The following ARHGAP26 variants were observed in gnomAD, a reference collection of about 807,000 sequenced individuals.
ARHGAP26 encodes the protein rho GTPase-activating protein 26.
Under a neutral mutation model 104.8 loss-of-function variants are expected in ARHGAP26, and 38 were observed. The ratio of observed to expected loss-of-function variants is 0.36; its 90% confidence interval spans 0.28 to 0.48. ARHGAP26 has a LOEUF of 0.48. Ranked by LOEUF, ARHGAP26 falls within the 20% of genes least tolerant of loss-of-function variation. The probability of loss-of-function intolerance (pLI) is 0.99; values close to 1 mark genes in which losing one functional copy is unlikely to be tolerated. For missense variants in ARHGAP26, 704 were observed against 947.9 expected, an observed-to-expected ratio of 0.74 and a Z score of 3.38; for synonymous variants, 341 against 340.0, an observed-to-expected ratio of 1.00 and a Z score of -0.03.
intron 10 of ARHGAP26, among the ~76,000 whole-genome samples, chr5:142,925,014 A>AAC (rs1440845057): frequency 1.3e-5 from 2 of 152,258 alleles, no homozygotes; most frequent in Admixed American, 6.5e-5. Flanking sequence ...AGACACAGAC[A>AAC]ACAGAAGTTG....
rs536217198 is a variant in ARHGAP26, at chr5:143,028,783, A to T, written c.1145-8413A>T. On this transcript the variant is annotated intron_variant, in intron 12 of 22. Coordinates refer to ENST00000645722, the MANE Select transcript of ARHGAP26 (RefSeq NM_001135608.3). ...CTTTATAGCTCATTCAGTTTCCACTACCTACAATTCTGTCTGTGTGACTTT... is the reference window on the plus strand; with the variant it reads ...CTTTATAGCTCATTCAGTTTCCACTTCCTACAATTCTGTCTGTGTGACTTT... Among the ~76,000 whole-genome samples, 10 of 152,324 alleles carry T rather than the reference A, an allele frequency of 6.6e-5. No individual in the cohort carries two copies. In the South Asian group the frequency reaches 2.1e-3, roughly 32 times the overall value.
intron 18 of ARHGAP26, among the ~76,000 whole-genome samples, chr5:143,126,595 A>G (rs1796753594): frequency 1.3e-5 from 2 of 152,232 alleles, no homozygotes; most frequent in Admixed American, 6.5e-5. Context: ...TTTGACCTAC[A>G]GGCTTTGCTT....
chr5:143,016,196 G>C (rs189721355), intron 12 of ARHGAP26, among the ~76,000 whole-genome samples: 8 of 152,220 alleles, frequency 5.3e-5, no homozygotes, highest in African/African-American at 1.9e-4. Context: ...TTAGGCTATA[G>C]AACAACATAC....
intron 11 of ARHGAP26, among the ~76,000 whole-genome samples, chr5:142,972,125 T>C (rs1287824030): frequency 6.6e-6 from 1 of 151,220 alleles, no homozygotes; most frequent in African/African-American, 2.4e-5. Context: ...GAGGTTGCAG[T>C]GAGCCGAAAT....
intron 20 of ARHGAP26, among the ~76,000 whole-genome samples, chr5:143,194,877 G>A (rs570750068): frequency 1.8e-4 from 27 of 146,650 alleles, no homozygotes; most frequent in Middle Eastern, 3.5e-3. Flanking sequence ...GGCAGCCTGC[G>A]CCAGCCATTG....
At chr5:143,007,150 G>A (rs973045516) in intron 11 of ARHGAP26, among the ~76,000 whole-genome samples, 6 of 140,574 alleles carry the variant, frequency 4.3e-5, no homozygotes, top group Non-Finnish European at 7.5e-5. Flanking sequence ...AGCCGAGATC[G>A]CACCACTGCA....
intron 20 of ARHGAP26, among the ~76,000 whole-genome samples, chr5:143,156,160 G>A (rs1800440571): frequency 6.6e-6 from 1 of 152,192 alleles, no homozygotes; most frequent in Admixed American, 6.5e-5. Flanking sequence ...TAATCTGAGG[G>A]ATCTTATTCG....
intron 11 of ARHGAP26, among the ~76,000 whole-genome samples, chr5:142,975,551 A>G (rs1203149066): frequency 6.6e-6 from 1 of 152,116 alleles, no homozygotes; most frequent in Non-Finnish European, 1.5e-5. Context: ...AATAGTTTTA[A>G]TTCAACTTAG....
intron 9 of ARHGAP26, among the ~76,000 whole-genome samples, chr5:142,911,805 A>T (rs1239311390): frequency 6.6e-6 from 1 of 152,234 alleles, no homozygotes; most frequent in Non-Finnish European, 1.5e-5. Flanking sequence ...GCAAAGTCAG[A>T]ATCTCTTATG....
chr5:142,917,462 C>T (rs979407958), intron 10 of ARHGAP26, among the ~76,000 whole-genome samples: 4 of 152,180 alleles, frequency 2.6e-5, no homozygotes, highest in African/African-American at 9.7e-5. Context: ...TATTGGCACC[C>T]TGTCAGTTGC....
At chr5:143,200,256 G>A (rs2151307497) in intron 20 of ARHGAP26, among the ~76,000 whole-genome samples, 1 of 152,296 alleles carries the variant, frequency 6.6e-6, no homozygotes, top group African/African-American at 2.4e-5. Flanking sequence ...AACCTTTCTG[G>A]AAAGCTATTT....
At chr5:143,029,392 GTTTTTTTTTTTT>G (rs536919888) in intron 12 of ARHGAP26, among the ~76,000 whole-genome samples, 7 of 80,810 alleles carry the variant, frequency 8.7e-5, no homozygotes, top group Non-Finnish European at 1.7e-4. Context: ...TTACTTCTCA[GTTTTTTTTTTTT>G]TTTTTTTTTT....
chr5:142,904,177 G>A (rs26691), intron 8 of ARHGAP26, among the ~76,000 whole-genome samples: 71,248 of 151,646 alleles, frequency 0.47, 20,201 homozygotes, highest in East Asian at 0.91. Context: ...TGAAAAGTAG[G>A]AACAAAGGCT....
chr5:143,123,595 T>C (rs1472372570), intron 18 of ARHGAP26, among the ~76,000 whole-genome samples: 1 of 152,236 alleles, frequency 6.6e-6, no homozygotes, highest in Non-Finnish European at 1.5e-5. Context: ...TTCACACCCG[T>C]AATCCCAGTG....
At chr5:143,086,781 C>T (rs903392493) in intron 17 of ARHGAP26, among the ~76,000 whole-genome samples, 1 of 152,216 alleles carries the variant, frequency 6.6e-6, no homozygotes, top group Admixed American at 6.5e-5. Flanking sequence ...TTCCCTCTCG[C>T]TCAGGGGTCT....
Position 143,014,106 on chromosome 5 carries a change from G to A in ARHGAP26, c.1134G>A (p.Gln378=), listed in dbSNP as rs1397058939. The A allele has an allele frequency of 6.2e-7, 1 of 1,614,184 alleles. No homozygotes were observed. Among genetic ancestry groups the A allele is most frequent in the African/African-American group, 1.3e-5 (1 of 75,038 alleles). ...EPVYNSNKDS[Q]SEGTAQLDSI... ...TCTACAACTCGAACAAAGACAGCCA[G>A]AGTGAAGGGAGTAAGTACGATGCTT... is the stretch of plus-strand genomic sequence containing the variant. The change falls in exon 12 of 23, where the codon CAG becomes CAA. Residue 378 remains glutamine (Q), a synonymous_variant. Coordinates refer to ENST00000645722, the MANE Select transcript of ARHGAP26 (RefSeq NM_001135608.3).
At chr5:143,042,187 C>A (rs1205694411) in intron 14 of ARHGAP26, among the ~76,000 whole-genome samples, 6 of 152,178 alleles carry the variant, frequency 3.9e-5, no homozygotes, top group African/African-American at 1.4e-4. Flanking sequence ...GACCACCACA[C>A]CCTACTCTGT....
intron 13 of ARHGAP26, among the ~76,000 whole-genome samples, chr5:143,037,976 G>A (rs543058567): frequency 1.8e-4 from 28 of 152,322 alleles, no homozygotes; most frequent in Admixed American, 3.9e-4. Flanking sequence ...GATCAAGGAG[G>A]CTGGTTCATC....
intron 1 of ARHGAP26, chr5:142,772,676 C>A: frequency 1.9e-6 from 1 of 518,100 alleles, no homozygotes; most frequent in Non-Finnish European, 4.0e-6. Context: ...AGTCACACAG[C>A]TCTAGCAGCA....
Sources: gnomAD v4.1 joint callset for allele counts (sites outside exome capture counted in the v4.1 genomes callset) on GRCh38, gnomAD v4.1.1 for gene constraint, MANE v1.5 for transcripts, NCBI Gene and HGNC (gene_info 2026-07-23, HGNC 2026-07-21) for gene names.